Variants in PDE7A observed in about 807,000 individuals in gnomAD.
PDE7A encodes phosphodiesterase 7A, also known as high affinity 3',5'-cyclic-AMP phosphodiesterase 7A.
Under a neutral mutation model 64.3 loss-of-function variants are expected in PDE7A, and 39 were observed. That is an observed-to-expected ratio of 0.61 (90% CI 0.47 to 0.79). The LOEUF (loss-of-function observed/expected upper bound fraction) is 0.79, where lower values mean the gene tolerates loss of function less well. PDE7A is among the 30% of genes least tolerant of loss of function. The pLI, the probability that PDE7A is intolerant of heterozygous loss-of-function variation, is 0.00. For synonymous variants in PDE7A, 203 were observed against 206.8 expected (o/e 0.98, Z 0.16); for missense variants, 470 against 582.8 (o/e 0.81, Z 1.99).
chr8:65,814,592 CTATCTT>C (rs937843830), intron 1 of PDE7A, among the ~76,000 whole-genome samples: 1 of 149,994 alleles, frequency 6.7e-6, no homozygotes. Context: ...ACGAAGATGT[CTATCTT>C]TATATGTGAA....
Position 65,816,971 on chromosome 8 carries a change from TCA to T in PDE7A, c.138+24398_138+24399del, listed in dbSNP as rs1246070942. ...ACATCTGTAGTACACTTAATGTTTT[TCA>T]CAGATTTCTGAGCTCTGTTCAATTT... On this transcript the variant is annotated intron_variant, in intron 1 of 12. Coordinates refer to ENST00000401827, the MANE Select transcript of PDE7A (RefSeq NM_001242318.3). 2.6e-5 allele frequency among the ~76,000 whole-genome samples: 4 copies of T among 152,334 alleles called. No individual in the cohort carries two copies. In the East Asian group the frequency reaches 7.7e-4, roughly 29 times the overall value.
intron 1 of PDE7A, among the ~76,000 whole-genome samples, chr8:65,789,919 A>C (rs931602233): frequency 6.6e-6 from 1 of 152,234 alleles, no homozygotes. Flanking sequence ...GTGTACATTA[A>C]TCAAATTATG....
At position 65,841,954 on chromosome 8, in the gene PDE7A, A is replaced by G. The variant is rs1474718368; in HGVS notation, c.-446T>C. ...GGGCGCGCGGGACTCAGGAGCAGCG[A>G]CCAGCTCGGGCCGCCGCCGCCGCCG... is the stretch of plus-strand genomic sequence containing the variant. On this transcript the variant is annotated 5_prime_UTR_variant, in exon 1 of 13. Transcript: ENST00000401827. The G allele has an allele frequency of 1.3e-5, 3 of 237,646 alleles. No homozygotes were observed. The highest frequency in any genetic ancestry group is 6.0e-5 in the Admixed American group (1 of 16,782). 14.7% of individuals were successfully genotyped at this position (237,646 alleles called of 1,614,324 possible). A position where few individuals can be genotyped will look rare whatever the true frequency, so the allele number is the denominator to read the frequency against.
At chr8:65,726,239 A>G (rs577279992) in intron 9 of PDE7A, among the ~76,000 whole-genome samples, 1 of 152,340 alleles carries the variant, frequency 6.6e-6, no homozygotes, top group African/African-American at 2.4e-5. Context: ...GGACCACACT[A>G]TGGCAATGAC....
intron 1 of PDE7A, among the ~76,000 whole-genome samples, chr8:65,826,990 G>C (rs147574349): frequency 2.4e-4 from 36 of 152,238 alleles, no homozygotes; most frequent in Non-Finnish European, 4.1e-4. Context: ...TGGGACTCCA[G>C]AGATACCACT....
At chr8:65,818,411 T>C (rs1245730733) in intron 1 of PDE7A, among the ~76,000 whole-genome samples, 1 of 152,238 alleles carries the variant, frequency 6.6e-6, no homozygotes, top group Non-Finnish European at 1.5e-5. Flanking sequence ...TCCTCTGTTG[T>C]ACACAATCAC....
At chr8:65,767,139 T>C (rs115656531) in intron 3 of PDE7A, among the ~76,000 whole-genome samples, 61 of 152,302 alleles carry the variant, frequency 4.0e-4, no homozygotes, top group African/African-American at 1.4e-3. Context: ...GTGGCTAATC[T>C]TGTAGCCCTC....
At chr8:65,804,631 G>A (rs572892440) in intron 1 of PDE7A, among the ~76,000 whole-genome samples, 2 of 146,012 alleles carry the variant, frequency 1.4e-5, no homozygotes, top group Admixed American at 7.0e-5. Context: ...TCTGCCTCCC[G>A]GATTCAAGCT....
chr8:65,788,619 C>A (rs1174754429), intron 1 of PDE7A, among the ~76,000 whole-genome samples: 2 of 152,120 alleles, frequency 1.3e-5, no homozygotes, highest in Non-Finnish European at 2.9e-5. Flanking sequence ...ATAAAAACTT[C>A]TTTAAGGCAG....
intron 1 of PDE7A, among the ~76,000 whole-genome samples, chr8:65,797,849 C>T (rs911356157): frequency 1.5e-4 from 22 of 150,122 alleles, no homozygotes; most frequent in Non-Finnish European, 2.1e-4. Context: ...TCATGCCATA[C>T]AAAAAAATTA....
intron 3 of PDE7A, among the ~76,000 whole-genome samples, chr8:65,771,855 A>AGTG: frequency 6.7e-6 from 1 of 148,614 alleles, no homozygotes. Context: ...AGCCTGGGCA[A>AGTG]CAGATCGAGA....
Position 65,718,312 on chromosome 8 carries a change from C to T in PDE7A, c.*978G>A, listed in dbSNP as rs1806226050. 6.6e-6 allele frequency: 1 copy of T among 152,330 alleles called. No homozygotes were observed. Among genetic ancestry groups the T allele is most frequent in the Admixed American group, 6.5e-5 (1 of 15,284 alleles). 9.4% of individuals were successfully genotyped at this position (152,330 alleles called of 1,614,324 possible). On this transcript the variant is annotated 3_prime_UTR_variant, in exon 13 of 13. Transcript: ENST00000401827. ...GCAAACACACATCCGTACATTCACA[C>T]ACAACATACCTCTCACTCACTGCAG...
chr8:65,810,467 G>A (rs1312740064), intron 1 of PDE7A, among the ~76,000 whole-genome samples: 1 of 152,072 alleles, frequency 6.6e-6, no homozygotes, highest in Admixed American at 6.5e-5. Context: ...TGCATGTTGT[G>A]CACATATACC....
At chr8:65,747,592 A>AT in intron 4 of PDE7A, 60 bp downstream of exon 4, 1 of 1,020,378 alleles carries the variant, frequency 9.8e-7, no homozygotes, top group Non-Finnish European at 1.5e-6. Flanking sequence ...TGTATGGGGA[A>AT]TAAAGGCCTT....
At chr8:65,817,910 G>A (rs373996243) in intron 1 of PDE7A, among the ~76,000 whole-genome samples, 7 of 151,858 alleles carry the variant, frequency 4.6e-5, no homozygotes, top group East Asian at 1.9e-4. Context: ...CTGCCACTGC[G>A]CCCAGCTAAT....
At chr8:65,773,477 T>A (rs1241929528) in intron 3 of PDE7A, among the ~76,000 whole-genome samples, 1 of 152,192 alleles carries the variant, frequency 6.6e-6, no homozygotes, top group Non-Finnish European at 1.5e-5. Flanking sequence ...GTGTTCTAAA[T>A]ACCATACTAC....
chr8:65,723,698 C>G, intron 11 of PDE7A, 77 bp from the exon 12 acceptor site: 1 of 1,008,094 alleles, frequency 9.9e-7, no homozygotes, highest in Non-Finnish European at 1.4e-6. Flanking sequence ...CTTGAACATA[C>G]CTGTGCATTT....
chr8:65,814,347 T>C (rs990797492), intron 1 of PDE7A, among the ~76,000 whole-genome samples: 3 of 150,514 alleles, frequency 2.0e-5, no homozygotes, highest in Admixed American at 1.3e-4. Flanking sequence ...CCGTCTCTAC[T>C]AAAAATACAA....
intron 3 of PDE7A, among the ~76,000 whole-genome samples, chr8:65,769,724 C>T (rs1391656021): frequency 2.0e-5 from 3 of 152,010 alleles, no homozygotes; most frequent in East Asian, 1.9e-4. Flanking sequence ...AGTGAAACCC[C>T]GTCTCTACTG....
Sources: allele counts gnomAD v4.1 joint callset (sites outside exome capture counted in the v4.1 genomes callset), GRCh38; gene constraint gnomAD v4.1.1; transcripts MANE v1.5; gene names NCBI Gene and HGNC (gene_info 2026-07-23, HGNC 2026-07-21).